The following DOCK9 variants were observed in gnomAD, a reference collection of about 807,000 sequenced individuals.
DOCK9 encodes dedicator of cytokinesis 9.
DOCK9 carries 89 observed loss-of-function variants against 263.3 expected under a neutral mutation model. That is an observed-to-expected ratio of 0.34 (90% CI 0.28 to 0.40). The LOEUF (loss-of-function observed/expected upper bound fraction) is 0.40. Among genes scored for constraint, DOCK9 ranks in the 10% least tolerant of loss-of-function variants. The pLI, the probability that DOCK9 is intolerant of heterozygous loss-of-function variation, is 1.00. For missense variants in DOCK9, 2,140 were observed against 2,603.4 expected, an observed-to-expected ratio of 0.82 and a Z score of 3.87; for synonymous variants, 976 against 973.1, an observed-to-expected ratio of 1.00 and a Z score of -0.06.
At chr13:98,908,800 T>C (rs1318280276) in intron 9 of DOCK9, among the ~76,000 whole-genome samples, 5 of 152,252 alleles carry the variant, frequency 3.3e-5, no homozygotes, top group Non-Finnish European at 7.3e-5. Context: ...GAACTTTTCT[T>C]TAAACAACTT....
intron 2 of DOCK9, among the ~76,000 whole-genome samples, chr13:98,946,223 A>G (rs759109093): frequency 7.7e-4 from 117 of 152,228 alleles, no homozygotes; most frequent in Non-Finnish European, 1.4e-3. Context: ...CTTTTTAAAC[A>G]GTCTCTCTAG....
In DOCK9 at chr13:98,825,837, G is replaced by A. The variant is rs903181543; in HGVS notation, c.5023+993C>T. On this transcript the variant is annotated intron_variant, in intron 44 of 52. Coordinates refer to ENST00000682017, the MANE Select transcript of DOCK9 (RefSeq NM_001366683.2). This position sits in a 1 kb window ranked among gnomAD's most constrained non-coding sequence, Gnocchi z 4.1. ...CGGGAGGGCACGTGACCAGGGCAGG[G>A]GGTCCCCGGGGGCTGGGCTGATCCT... 2 of 1,437,070 alleles carry A rather than the reference G, an allele frequency of 1.4e-6. No individual in the cohort carries two copies. Among genetic ancestry groups the A allele is most frequent in the African/African-American group, 1.5e-5 (1 of 68,566 alleles). The allele number at this position is 1,437,070 out of a possible 1,614,324, so 89.0% of individuals were successfully genotyped here. A position where few individuals can be genotyped will look rare whatever the true frequency, so the allele number is the denominator to read the frequency against.
chr13:98,879,791 C>G (rs1432845681), intron 27 of DOCK9, 107 bp downstream of exon 27: 2 of 865,670 alleles, frequency 2.3e-6, no homozygotes, highest in Non-Finnish European at 3.6e-6. Context: ...GCACTTAGAA[C>G]AGTCCTGTAA....
At chr13:99,018,398 C>T (rs570040991) in intron 1 of DOCK9, among the ~76,000 whole-genome samples, 2 of 152,342 alleles carry the variant, frequency 1.3e-5, no homozygotes, top group African/African-American at 2.4e-5. Context: ...GCTGCTGCTG[C>T]CATGCTCTTA....
At chr13:99,001,644 A>G (rs757174017) in intron 1 of DOCK9, among the ~76,000 whole-genome samples, 7 of 152,220 alleles carry the variant, frequency 4.6e-5, no homozygotes, top group Non-Finnish European at 1.0e-4. Flanking sequence ...TGATAAGCCT[A>G]TGGCTGAGAG....
At chr13:99,027,694 T>C (rs1358603722) in intron 1 of DOCK9, among the ~76,000 whole-genome samples, 1 of 152,232 alleles carries the variant, frequency 6.6e-6, no homozygotes, top group Non-Finnish European at 1.5e-5. Flanking sequence ...TTAATTGCTA[T>C]TCCAGCGTCT....
rs201554438 is a variant in DOCK9, at chr13:98,851,443, GC to G, written c.3947-1331del. Among the ~76,000 whole-genome samples the G allele has an allele frequency of 8.3e-3, 1,261 of 152,292 alleles. 16 individuals are homozygous for G. The highest frequency in any genetic ancestry group is 0.028 in the African/African-American group (1,183 of 41,542). ...CGGGGAGCTCAGTGCATGCTGGAGAGCCTGGTGGGACCACCCTGCAGACCCC... is the reference window on the plus strand; with the variant it reads ...CGGGGAGCTCAGTGCATGCTGGAGAGCTGGTGGGACCACCCTGCAGACCCC... On this transcript the variant is annotated intron_variant, in intron 35 of 52. Transcript: ENST00000682017.
intron 21 of DOCK9, among the ~76,000 whole-genome samples, chr13:98,884,737 TG>T (rs3831161): frequency 0.13 from 19,504 of 152,220 alleles, 1,352 homozygotes; most frequent in South Asian, 0.2. Flanking sequence ...ATTTTTCCGC[TG>T]AGACACCACT....
chr13:98,804,865 T>A, intron 49 of DOCK9, 134 bp downstream of exon 49: 1 of 811,492 alleles, frequency 1.2e-6, no homozygotes, highest in Non-Finnish European at 1.9e-6. Flanking sequence ...TAGATAAATG[T>A]GAAACTGAAA....
intron 1 of DOCK9, among the ~76,000 whole-genome samples, chr13:99,073,811 C>T (rs190086710): frequency 9.3e-4 from 142 of 152,332 alleles, no homozygotes; most frequent in Non-Finnish European, 1.6e-3. Context: ...CCTTTCTCCT[C>T]AATGACTTTC....
Position 98,902,372 on chromosome 13 carries a change from G to C in DOCK9, c.1296C>G (p.Ser432=), listed in dbSNP as rs372876418. Reference sequence around the variant, plus strand: ...GCCCACTGCCATTCATCAGCGCCGGGGACGTGGTGGCGAGCATTTGCCTCA... The same window carrying C: ...GCCCACTGCCATTCATCAGCGCCGGCGACGTGGTGGCGAGCATTTGCCTCA... ...FSVRQMLATT[S]PALMNGSGQS... Residue 432 remains serine, a synonymous_variant, in exon 12 of 53, where the codon TCC becomes TCG. Coordinates refer to ENST00000682017, the MANE Select transcript of DOCK9 (RefSeq NM_001366683.2). The C allele has an allele frequency of 4.3e-6, 7 of 1,613,908 alleles. No individual in the cohort carries two copies. In the South Asian group the frequency reaches 6.6e-5, roughly 15 times the overall value.
rs763448169 is a variant in DOCK9, at chr13:98,837,658, G to C, written c.4199-49C>G. Reference sequence around the variant, plus strand: ...TACTGCCCAGTGGTTCAGAAGGCAAGGCTGGCAGGATGCGGTAGGCACAGT... The same window carrying C: ...TACTGCCCAGTGGTTCAGAAGGCAACGCTGGCAGGATGCGGTAGGCACAGT... On this transcript the variant is annotated intron_variant, in intron 38 of 52. Coordinates refer to ENST00000682017, the MANE Select transcript of DOCK9 (RefSeq NM_001366683.2). The C allele has an allele frequency of 1.2e-5, 17 of 1,375,028 alleles. 1 individual carries two copies. In the African/African-American group the frequency reaches 2.5e-4, roughly 20 times the overall value. The allele number at this position is 1,375,028 out of a possible 1,614,324, so 85.2% of individuals were successfully genotyped here.
chr13:98,808,634 A>C (rs1335695140), intron 47 of DOCK9: 3 of 1,577,842 alleles, frequency 1.9e-6, no homozygotes, highest in South Asian at 2.2e-5. Flanking sequence ...CATTTACTGT[A>C]ATTACCTCCA....
At chr13:98,949,806 T>C in intron 2 of DOCK9, 3 of 467,618 alleles carry the variant, frequency 6.4e-6, no homozygotes, top group Non-Finnish European at 1.3e-5. Context: ...CTTGGTAGCA[T>C]GATGGGCCAC....
At position 98,977,838 on chromosome 13, in the gene DOCK9, T is replaced by C. The variant is rs1295139267; in HGVS notation, c.72A>G (p.Gln24=). ...KKELVIESPL[Q]YKDAAQGEVE... ...CTTCGCCCTGAGCTGCATCCTTGTA[T>C]TGCAGGGGGGACTCAATCACCAGTT... is the stretch of plus-strand genomic sequence containing the variant. The change falls in exon 1 of 53, where the codon CAA becomes CAG. Residue 24 remains glutamine, a synonymous_variant. Transcript: ENST00000682017. 2 of 1,609,120 alleles carry C rather than the reference T, an allele frequency of 1.2e-6. No individual in the cohort carries two copies. The highest frequency in any genetic ancestry group is 2.7e-5 in the African/African-American group (2 of 74,866).
chr13:98,921,264 A>T (rs2051937357), intron 6 of DOCK9, among the ~76,000 whole-genome samples, 176 bp from the exon 7 acceptor site: 1 of 152,212 alleles, frequency 6.6e-6, no homozygotes, highest in African/African-American at 2.4e-5. Context: ...AGCTCACTGC[A>T]TCTCAGTTCT....
At chr13:98,955,325 A>T (rs2057920282) in intron 2 of DOCK9, 110 bp downstream of exon 2, 1 of 700,422 alleles carries the variant, frequency 1.4e-6, no homozygotes, top group Non-Finnish European at 2.1e-6. Flanking sequence ...TCTCAAAAAA[A>T]ATAATAATAA....
rs527389909 is a variant in DOCK9 at position 98,878,654 on chromosome 13, A to C, written c.2943+1244T>G. Among the ~76,000 whole-genome samples the C allele has an allele frequency of 2.7e-4, 41 of 152,370 alleles. No individual in the cohort carries two copies. In the Middle Eastern group the frequency reaches 0.01, roughly 38 times the overall value. ...TTTAGATGGAGCATTTCTCTGTAGAAGGCAGGGCCCACTTCCATCTGGCAT... is the reference window on the plus strand; with the variant it reads ...TTTAGATGGAGCATTTCTCTGTAGACGGCAGGGCCCACTTCCATCTGGCAT... On this transcript the variant is annotated intron_variant, in intron 27 of 52. Transcript: ENST00000682017.
chr13:98,800,984 A>G (rs563603381), intron 49 of DOCK9, among the ~76,000 whole-genome samples: 2 of 152,366 alleles, frequency 1.3e-5, no homozygotes, highest in African/African-American at 4.8e-5. Context: ...ATAATAAGTA[A>G]GAATATATTC....
Sources: gnomAD v4.1 joint callset for allele counts (sites outside exome capture counted in the v4.1 genomes callset) on GRCh38, gnomAD v4.1.1 for gene constraint, Gnocchi (gnomAD v3.1) non-coding constraint, MANE v1.5 for transcripts, NCBI Gene and HGNC (gene_info 2026-07-23, HGNC 2026-07-21) for gene names.